SNTG1: variants seen among roughly 807,000 people sequenced by gnomAD.
SNTG1 encodes the protein syntrophin gamma 1.
A neutral mutation model predicts 74.7 loss-of-function variants in SNTG1; 39 were observed. The observed-to-expected ratio is 0.52, with a 90% CI of 0.40 to 0.68. The LOEUF (loss-of-function observed/expected upper bound fraction) is 0.68. Ranked by LOEUF, SNTG1 falls within the 30% of genes least tolerant of loss-of-function variation. The pLI is 0.00. For missense variants in SNTG1, 685 were observed against 609.5 expected (o/e 1.12, Z -1.30); for synonymous variants, 254 against 217.1 (o/e 1.17, Z -1.49).
At position 50,271,295 on chromosome 8, in the gene SNTG1, AAAC is replaced by A. The variant is rs149961200; in HGVS notation, c.-28+98663_-28+98665del. Among the ~76,000 whole-genome samples, 900 of 152,340 alleles carry A rather than the reference AAAC, an allele frequency of 5.9e-3. 7 individuals are homozygous for A. The highest frequency in any genetic ancestry group is 0.02 in the African/African-American group (848 of 41,580). ...ATAGTGACATTTACTGAAGAACTAC[AAAC>A]AATATAACTTTCCATTTTAATGTTT... On this transcript the variant is annotated intron_variant, in intron 2 of 18. Transcript: ENST00000642720.
intron 12 of SNTG1, among the ~76,000 whole-genome samples, chr8:50,582,840 T>C (rs2094619973): frequency 6.6e-6 from 1 of 152,078 alleles, no homozygotes; most frequent in South Asian, 2.1e-4. Flanking sequence ...TTCATAGAAC[T>C]AAAATCACAT....
chr8:50,248,639 C>T (rs1438469285), intron 2 of SNTG1, among the ~76,000 whole-genome samples: 1 of 152,142 alleles, frequency 6.6e-6, no homozygotes, highest in Non-Finnish European at 1.5e-5. Context: ...ATGAGTAACT[C>T]TATCTCTATC....
intron 2 of SNTG1, among the ~76,000 whole-genome samples, chr8:50,243,676 G>C (rs1336820496): frequency 1.4e-5 from 2 of 140,174 alleles, no homozygotes; most frequent in Non-Finnish European, 1.5e-5. Context: ...CAGGTCTCAG[G>C]GTAATTAATT....
At chr8:49,942,633 T>C (rs1808800805) in intron 1 of SNTG1, among the ~76,000 whole-genome samples, 2 of 152,222 alleles carry the variant, frequency 1.3e-5, no homozygotes, top group Non-Finnish European at 2.9e-5. Context: ...ACTTCTTTTA[T>C]TTTCGGTGAC....
At chr8:50,732,863 T>A (rs892217927) in intron 17 of SNTG1, among the ~76,000 whole-genome samples, 9 of 152,182 alleles carry the variant, frequency 5.9e-5, no homozygotes, top group Non-Finnish European at 1.3e-4. Flanking sequence ...CTCCTATGGT[T>A]GTTAACAAAA....
chr8:50,451,103 C>G, intron 8 of SNTG1, among the ~76,000 whole-genome samples: 1 of 152,156 alleles, frequency 6.6e-6, no homozygotes, highest in Non-Finnish European at 1.5e-5. Context: ...ACAGTACAGT[C>G]ATCCCTCCCT....
intron 17 of SNTG1, among the ~76,000 whole-genome samples, chr8:50,729,271 T>G (rs540002949): frequency 6.0e-4 from 92 of 152,154 alleles, no homozygotes; most frequent in Non-Finnish European, 1.1e-3. Context: ...TATAGCTTAT[T>G]AGGCAGACAG....
intron 18 of SNTG1, among the ~76,000 whole-genome samples, chr8:50,780,405 G>T (rs569510946): frequency 5.9e-5 from 9 of 152,204 alleles, no homozygotes; most frequent in South Asian, 4.1e-4. Context: ...TATTCAGAGA[G>T]TCAACTTCTT....
At chr8:49,925,925 G>T (rs185507158) in intron 1 of SNTG1, among the ~76,000 whole-genome samples, 2 of 152,250 alleles carry the variant, frequency 1.3e-5, no homozygotes, top group Admixed American at 1.3e-4. Flanking sequence ...CAGTAATAGA[G>T]AACTGGAATA....
chr8:50,160,857 T>C (rs1049145318), intron 1 of SNTG1, among the ~76,000 whole-genome samples: 6 of 152,130 alleles, frequency 3.9e-5, no homozygotes, highest in Non-Finnish European at 5.9e-5. Flanking sequence ...CTGTAGAGAA[T>C]ATTTTTTGAA....
At chr8:49,989,542 A>G (rs1813485426) in intron 1 of SNTG1, among the ~76,000 whole-genome samples, 1 of 151,970 alleles carries the variant, frequency 6.6e-6, no homozygotes, top group Non-Finnish European at 1.5e-5. Context: ...TAGTCAATAT[A>G]ATTTTTAGCA....
chr8:50,531,786 C>G (rs1387279473), intron 10 of SNTG1, among the ~76,000 whole-genome samples: 1 of 152,156 alleles, frequency 6.6e-6, no homozygotes, highest in East Asian at 1.9e-4. Context: ...AAGACAGAAA[C>G]AAGAGCAACT....
chr8:50,143,906 T>C lies in SNTG1; in HGVS notation c.-102-28655T>C, dbSNP rs544434004. The stretch of plus-strand genomic sequence containing the variant: ...GTTACATCATATACCTTAATCAGTA[T>C]TAAAAATTAGAATTCCTTTTAACAT... On this transcript the variant is annotated intron_variant, in intron 1 of 18. Coordinates refer to ENST00000642720, the MANE Select transcript of SNTG1 (RefSeq NM_018967.5). Among the ~76,000 whole-genome samples the C allele has an allele frequency of 2.0e-5, 3 of 152,334 alleles. No individual in the cohort carries two copies. In the South Asian group the frequency reaches 6.2e-4, roughly 32 times the overall value.
chr8:50,660,464 G>T (rs186185147), intron 15 of SNTG1, among the ~76,000 whole-genome samples: 1 of 147,080 alleles, frequency 6.8e-6, no homozygotes, highest in Admixed American at 6.7e-5. Context: ...GGGAGGAAGG[G>T]CAGGGAGTGC....
chr8:50,407,894 C>T lies in SNTG1; in HGVS notation c.162+5550C>T, dbSNP rs554078998. Among the ~76,000 whole-genome samples, 12 of 152,216 alleles carry T rather than the reference C, an allele frequency of 7.9e-5. No individual in the cohort carries two copies. In the South Asian group the frequency reaches 2.5e-3, roughly 32 times the overall value. Reference sequence around the variant, plus strand: ...CAGTGCTGCCAAAACTGTCCTCAGGCATTTAGTTAGCTCCTGGGTGGAGTC... The same window carrying T: ...CAGTGCTGCCAAAACTGTCCTCAGGTATTTAGTTAGCTCCTGGGTGGAGTC... On this transcript the variant is annotated intron_variant, in intron 4 of 18. Coordinates refer to ENST00000642720, the MANE Select transcript of SNTG1 (RefSeq NM_018967.5).
chr8:50,284,001 T>G (rs2088620176), intron 2 of SNTG1, among the ~76,000 whole-genome samples: 1 of 152,096 alleles, frequency 6.6e-6, no homozygotes, highest in South Asian at 2.1e-4. Context: ...GCATACTTAT[T>G]CAGATTTCAG....
In SNTG1 at chr8:50,312,641, A is replaced by T. The variant is rs1055512371; in HGVS notation, c.-27-81571A>T. ...AAAATTTCAAGCCTATACAAAAACA[A>T]TGAAAATAGCATAATAGGCCACCTC... On this transcript the variant is annotated intron_variant, in intron 2 of 18. Transcript: ENST00000642720. 3.3e-5 allele frequency among the ~76,000 whole-genome samples: 5 copies of T among 149,914 alleles called. 1 individual carries two copies. Among genetic ancestry groups the T allele is most frequent in the South Asian group, 4.4e-4 (2 of 4,500 alleles).
chr8:49,940,186 G>T (rs1480520263), intron 1 of SNTG1, among the ~76,000 whole-genome samples: 1 of 152,160 alleles, frequency 6.6e-6, no homozygotes, highest in Non-Finnish European at 1.5e-5. Context: ...TGCCCTGAAA[G>T]ACCTGGGAAA....
At chr8:50,094,846 A>T (rs895603845) in intron 1 of SNTG1, among the ~76,000 whole-genome samples, 2 of 152,176 alleles carry the variant, frequency 1.3e-5, no homozygotes, top group African/African-American at 4.8e-5. Flanking sequence ...ACCAAAAAGG[A>T]CACATGCACT....
Sources: gnomAD v4.1 joint callset for allele counts (sites outside exome capture counted in the v4.1 genomes callset) on GRCh38, gnomAD v4.1.1 for gene constraint, MANE v1.5 for transcripts, NCBI Gene and HGNC (gene_info 2026-07-23, HGNC 2026-07-21) for gene names.